Variants in CAMSAP1 observed in about 807,000 individuals in gnomAD.
CAMSAP1 encodes calmodulin regulated spectrin associated protein 1.
In CAMSAP1, 58 loss-of-function variants were observed where a neutral mutation model predicts 143.5. That is an observed-to-expected ratio of 0.40 (90% confidence interval 0.33 to 0.50). The LOEUF (loss-of-function observed/expected upper bound fraction) is 0.50. CAMSAP1 is among the 20% of genes least tolerant of loss of function. CAMSAP1 has a pLI of 0.45. For synonymous variants in CAMSAP1, 945 were observed against 859.3 expected (o/e 1.10, Z -1.74); for missense variants, 1,969 against 2,115.7 (o/e 0.93, Z 1.36).
intron 16 of CAMSAP1, among the ~76,000 whole-genome samples, chr9:135,814,186 G>A (rs894918641): frequency 2.0e-5 from 3 of 152,214 alleles, no homozygotes; most frequent in Admixed American, 6.5e-5. Flanking sequence ...ACCTGCCTAG[G>A]TCGGGGCCAT....
rs1314764732 is a variant in CAMSAP1, at chr9:135,850,444, C to T, written c.826G>A (p.Val276Ile). The T allele has an allele frequency of 1.3e-6, 2 of 1,594,912 alleles. No homozygotes were observed. The highest frequency in any genetic ancestry group is 1.7e-6 in the Non-Finnish European group (2 of 1,173,984). ...TACAGACTGTCGGCCATCGACGTTA[C>T]CTCCTTTAAGCATATATCTAATAGA... is the stretch of plus-strand genomic sequence containing the variant. ...MKLDDICLKEVTSMADSLYNI... is the reference protein window; with the variant it reads ...MKLDDICLKEITSMADSLYNI... The change falls in exon 6 of 17, where the codon GTA becomes ATA. Residue 276 changes from valine (V) to isoleucine (I), a missense_variant. By Grantham distance (29) the Val-to-Ile change is conservative. Around this residue, in one of 4 missense-constraint regions of CAMSAP1, gnomAD observed 221 missense variants for 298.2 expected, o/e 0.74. Transcript: ENST00000389532.
At position 135,818,754 on chromosome 9, in the gene CAMSAP1, G is replaced by A; in HGVS notation, c.3960-138C>T. On this transcript the variant is annotated intron_variant, in intron 12 of 16. Coordinates refer to ENST00000389532, the MANE Select transcript of CAMSAP1 (RefSeq NM_015447.4). This position sits in a 1 kb window ranked among gnomAD's most constrained non-coding sequence, Gnocchi z 7.7. ...CAAGAGTGGCCAGCCTCCACAAGCG[G>A]GACACAGAGGCTGCAAAGGCAGTCC... The A allele has an allele frequency of 8.6e-7, 1 of 1,167,084 alleles. No homozygotes were observed. The highest frequency in any genetic ancestry group is 2.6e-5 in the East Asian group (1 of 38,840). The allele number at this position is 1,167,084 out of a possible 1,614,324, so 72.3% of individuals were successfully genotyped here. A position where few individuals can be genotyped will look rare whatever the true frequency, so the allele number is the denominator to read the frequency against.
chr9:135,854,373 T>C (rs1391878583), intron 5 of CAMSAP1, among the ~76,000 whole-genome samples: 1 of 152,264 alleles, frequency 6.6e-6, no homozygotes. Flanking sequence ...TTATCTATTT[T>C]ATTAATTCTT....
chr9:135,861,612 T>G (rs2130930938), intron 5 of CAMSAP1, among the ~76,000 whole-genome samples: 1 of 152,332 alleles, frequency 6.6e-6, no homozygotes, highest in East Asian at 1.9e-4. Context: ...CCTGTTCCTT[T>G]AAGTGCAGCT....
intron 1 of CAMSAP1, among the ~76,000 whole-genome samples, chr9:135,890,523 C>A (rs1231311406): frequency 6.6e-6 from 1 of 152,108 alleles, no homozygotes; most frequent in Non-Finnish European, 1.5e-5. Flanking sequence ...TTTCTAAGGA[C>A]AAAATCTGGA....
At chr9:135,868,703 C>T (rs547635310) in intron 3 of CAMSAP1, among the ~76,000 whole-genome samples, 2 of 149,306 alleles carry the variant, frequency 1.3e-5, no homozygotes, top group East Asian at 2.0e-4. Flanking sequence ...CTGCAAGCTC[C>T]GCCTCCCATG....
intron 1 of CAMSAP1, among the ~76,000 whole-genome samples, chr9:135,905,207 G>GT (rs1838740721): frequency 6.6e-6 from 1 of 152,218 alleles, no homozygotes; most frequent in Non-Finnish European, 1.5e-5. Context: ...GGATTAAAGA[G>GT]TGACCTGGTA....
chr9:135,875,939 C>G (rs1356385333), intron 3 of CAMSAP1, among the ~76,000 whole-genome samples: 1 of 152,140 alleles, frequency 6.6e-6, no homozygotes, highest in African/African-American at 2.4e-5. Context: ...ATAAATTGGG[C>G]TACAAAGAAA....
intron 7 of CAMSAP1, among the ~76,000 whole-genome samples, chr9:135,834,692 A>C (rs1414285425): frequency 6.6e-6 from 1 of 152,120 alleles, no homozygotes; most frequent in East Asian, 1.9e-4. Flanking sequence ...TTTTAAGGTA[A>C]GTAAGGCAGC....
intron 4 of CAMSAP1, chr9:135,865,335 C>T (rs1383399634): frequency 7.1e-6 from 11 of 1,550,584 alleles, no homozygotes; most frequent in Non-Finnish European, 5.2e-6. Context: ...CACTTACAGG[C>T]ACTAACTTCC....
rs142913003 is a variant in CAMSAP1 at position 135,821,612 on chromosome 9, C to T, written c.3049G>A (p.Val1017Met). The T allele has an allele frequency of 2.4e-5, 38 of 1,614,050 alleles. No homozygotes were observed. Among genetic ancestry groups the T allele is most frequent in the South Asian group, 9.9e-5 (9 of 91,080 alleles). The change falls in exon 11 of 17, where the codon GTG becomes ATG. Residue 1017 changes from valine to methionine, a missense_variant. Val to Met is a conservative substitution (Grantham distance 21). This residue lies in a region of CAMSAP1 where 1,390 missense variants were observed against 1,420.8 expected (regional missense o/e 0.98). Transcript: ENST00000389532. This position sits in a 1 kb window ranked among gnomAD's most constrained non-coding sequence, Gnocchi z 4.6. ...LEDTVGEVVD[V>M]NECDLSIEKL... ...TCGATGGAAAGGTCACATTCATTCA[C>T]GTCGACAACCTCCCCAACAGTGTCC... is the stretch of plus-strand genomic sequence containing the variant.
chr9:135,812,637 T>G (rs1247530552), intron 16 of CAMSAP1, among the ~76,000 whole-genome samples: 1 of 152,186 alleles, frequency 6.6e-6, no homozygotes, highest in Non-Finnish European at 1.5e-5. Flanking sequence ...TGGTATAACT[T>G]AAAAGGGTGA....
At chr9:135,842,529 G>GATTC (rs1836395569) in intron 7 of CAMSAP1, among the ~76,000 whole-genome samples, 1 of 152,082 alleles carries the variant, frequency 6.6e-6, no homozygotes, top group South Asian at 2.1e-4. Context: ...GCAACCCCAA[G>GATTC]ACGCAATCAT....
chr9:135,898,933 C>A lies in CAMSAP1; in HGVS notation c.160+8067G>T, dbSNP rs567059740. Among the ~76,000 whole-genome samples the A allele has an allele frequency of 3.2e-4, 48 of 152,220 alleles. 1 individual carries two copies. In the South Asian group the frequency reaches 7.7e-3, roughly 24 times the overall value. ...AAGCTCTATTCATAATAGCCAAAAG[C>A]TGGAAATGCCCCCAGATAATCACCA... On this transcript the variant is annotated intron_variant, in intron 1 of 16. Transcript: ENST00000389532.
Position 135,811,640 on chromosome 9 carries a change from C to T in CAMSAP1, c.4507-29G>A. 1 of 1,555,670 alleles carries T rather than the reference C, an allele frequency of 6.4e-7. No homozygotes were observed. Among genetic ancestry groups the T allele is most frequent in the Non-Finnish European group, 8.7e-7 (1 of 1,148,358 alleles). On this transcript the variant is annotated intron_variant, in intron 16 of 16. Coordinates refer to ENST00000389532, the MANE Select transcript of CAMSAP1 (RefSeq NM_015447.4). This position sits in a 1 kb window ranked among gnomAD's most constrained non-coding sequence, Gnocchi z 4.9. ...TGCAGAGAGAGAAAAGGGGAAGAGA[C>T]AAACACTTCAGGGCCACTCCAATTG...
At position 135,824,944 on chromosome 9, in the gene CAMSAP1, T is replaced by C; in HGVS notation, c.1224-64A>G. On this transcript the variant is annotated intron_variant, in intron 8 of 16. Transcript: ENST00000389532. This position sits in a 1 kb window ranked among gnomAD's most constrained non-coding sequence, Gnocchi z 4.1. Reference sequence around the variant, plus strand: ...ATCAAACTTCAAGGTCAACAGCAAATGCACAAGTGTACAGGACCATCCTGA... The same window carrying C: ...ATCAAACTTCAAGGTCAACAGCAAACGCACAAGTGTACAGGACCATCCTGA... 2.3e-6 allele frequency: 3 copies of C among 1,287,726 alleles called. No individual in the cohort carries two copies. Among genetic ancestry groups the C allele is most frequent in the Non-Finnish European group, 2.2e-6 (2 of 915,772 alleles). The allele number at this position is 1,287,726 out of a possible 1,614,324, so 79.8% of individuals were successfully genotyped here. A position where few individuals can be genotyped will look rare whatever the true frequency, so the allele number is the denominator to read the frequency against.
intron 1 of CAMSAP1, among the ~76,000 whole-genome samples, chr9:135,904,960 G>A (rs1481075906): frequency 4.7e-5 from 7 of 147,734 alleles, no homozygotes; most frequent in African/African-American, 1.3e-4. Flanking sequence ...GCGAGACTCC[G>A]TCTCAAAAAA....
In CAMSAP1 at chr9:135,811,451, TAC is replaced by T. The variant is rs1363647039; in HGVS notation, c.4665_4666del (p.Tyr1556Ter). ...CTGTTTTCGGTCTGAGCTGTATTTA[TAC>T]AGTTTGTCGATCATTTTCTTGGTGA... On this transcript the variant is annotated frameshift_variant, in exon 17 of 17. Transcript: ENST00000389532. LOFTEE classifies it high-confidence loss of function. This position sits in a 1 kb window ranked among gnomAD's most constrained non-coding sequence, Gnocchi z 4.9. 6.2e-7 allele frequency: 1 copy of T among 1,612,654 alleles called. No homozygotes were observed. Among genetic ancestry groups the T allele is most frequent in the Non-Finnish European group, 8.5e-7 (1 of 1,179,230 alleles).
intron 1 of CAMSAP1, among the ~76,000 whole-genome samples, chr9:135,899,993 A>G (rs1325250462): frequency 7.2e-5 from 11 of 152,158 alleles, no homozygotes; most frequent in African/African-American, 2.7e-4. Context: ...GAAGGGCCCC[A>G]CAGTTCACAA....
Sources: allele counts gnomAD v4.1 joint callset (sites outside exome capture counted in the v4.1 genomes callset), GRCh38; gene constraint gnomAD v4.1.1; regional missense constraint gnomAD v4.1.1; non-coding constraint Gnocchi (gnomAD v3.1); transcripts MANE v1.5; gene names NCBI Gene and HGNC (gene_info 2026-07-23, HGNC 2026-07-21).